CMTM6: variants seen among roughly 807,000 people sequenced by gnomAD.
CMTM6 encodes CKLF-like MARVEL transmembrane domain-containing protein 6.
CMTM6 carries 5 observed loss-of-function variants against 13.6 expected under a neutral mutation model. That is an observed-to-expected ratio of 0.37 (90% CI 0.19 to 0.77). The LOEUF (loss-of-function observed/expected upper bound fraction) is 0.77. CMTM6 is among the 30% of genes least tolerant of loss of function. CMTM6 has a pLI of 0.50. For missense variants in CMTM6, 196 were observed against 218.6 expected (o/e 0.90, Z 0.65); for synonymous variants, 99 against 84.5 (o/e 1.17, Z -0.94).
chr3:32,499,908 A>G (rs1235520593), intron 1 of CMTM6, among the ~76,000 whole-genome samples: 1 of 152,070 alleles, frequency 6.6e-6, no homozygotes, highest in Non-Finnish European at 1.5e-5. Flanking sequence ...TTGAAAAAAA[A>G]AAAAAAACCT....
chr3:32,491,476 A>C (rs1048406778), intron 2 of CMTM6, among the ~76,000 whole-genome samples: 3 of 152,182 alleles, frequency 2.0e-5, no homozygotes, highest in Non-Finnish European at 4.4e-5. Flanking sequence ...ACATTAAACC[A>C]CCAATAACTG....
chr3:32,493,233 G>A (rs1697264058), intron 1 of CMTM6, among the ~76,000 whole-genome samples: 1 of 152,212 alleles, frequency 6.6e-6, no homozygotes, highest in Non-Finnish European at 1.5e-5. Flanking sequence ...CTAATGAGAT[G>A]CCTACTGGCC....
chr3:32,495,477 C>T (rs1697282666), intron 1 of CMTM6, among the ~76,000 whole-genome samples: 1 of 152,116 alleles, frequency 6.6e-6, no homozygotes, highest in East Asian at 1.9e-4. Flanking sequence ...TTTTTCTTGC[C>T]TCTATGTTAA....
chr3:32,502,530 A>C, intron 1 of CMTM6, 78 bp downstream of exon 1: 7 of 1,515,406 alleles, frequency 4.6e-6, no homozygotes, highest in Non-Finnish European at 5.3e-6. Context: ...GCTGAAACGA[A>C]GGAGCTCGGC....
In CMTM6 at chr3:32,502,852, C is replaced by A; in HGVS notation, c.-107G>T. On this transcript the variant is annotated 5_prime_UTR_variant, in exon 1 of 4. Coordinates refer to ENST00000205636, the MANE Select transcript of CMTM6 (RefSeq NM_017801.3). ...GCGGCCGTCACTTCCTGGGCCTTCT[C>A]CCCGGCTTCCGCCTGACTCCGCCCC... The A allele has an allele frequency of 7.7e-7, 1 of 1,298,554 alleles. No homozygotes were observed. The highest frequency in any genetic ancestry group is 1.8e-5 in the South Asian group (1 of 55,402). The allele number at this position is 1,298,554 out of a possible 1,614,324, so 80.4% of individuals were successfully genotyped here. A position where few individuals can be genotyped will look rare whatever the true frequency, so the allele number is the denominator to read the frequency against.
At chr3:32,492,742 A>G (rs1277972990) in intron 1 of CMTM6, among the ~76,000 whole-genome samples, 1 of 152,254 alleles carries the variant, frequency 6.6e-6, no homozygotes, top group East Asian at 1.9e-4. Flanking sequence ...ATGCATACAA[A>G]TAATATGGAA....
chr3:32,497,382 CAAAA>C (rs144445988), intron 1 of CMTM6, among the ~76,000 whole-genome samples: 1 of 53,630 alleles, frequency 1.9e-5, no homozygotes, highest in Non-Finnish European at 3.7e-5. Flanking sequence ...GACTCTGTCT[CAAAA>C]AAAAAAAAAA....
chr3:32,491,771 A>T lies in CMTM6; in HGVS notation c.254T>A (p.Ile85Lys), dbSNP rs749048199. The T allele has an allele frequency of 6.2e-7, 1 of 1,614,078 alleles. No homozygotes were observed. The highest frequency in any genetic ancestry group is 8.5e-7 in the Non-Finnish European group (1 of 1,179,970). ...SCSAFLLSLL[I>K]LIVYCTPFYE... Reference sequence around the variant, plus strand: ...AAATGGAGTGCAATACACAATCAGTATAAGGAGACTCAGAAGAAAGGCACT... The same window carrying T: ...AAATGGAGTGCAATACACAATCAGTTTAAGGAGACTCAGAAGAAAGGCACT... The change falls in exon 2 of 4, where the codon ATA (isoleucine) becomes AAA (lysine). Residue 85 changes from isoleucine to lysine, a missense_variant. Coordinates refer to ENST00000205636, the MANE Select transcript of CMTM6 (RefSeq NM_017801.3).
Position 32,487,972 on chromosome 3 carries a change from G to A in CMTM6, c.380C>T (p.Thr127Ile). 1.2e-6 allele frequency: 2 copies of A among 1,613,732 alleles called. No homozygotes were observed. The highest frequency in any genetic ancestry group is 1.7e-6 in the Non-Finnish European group (2 of 1,179,764). ...FLLASIIFVS[T>I]HDRTSAEIAA... ...AATCTCAGCTGAAGTCCTGTCATGT[G>A]TGGAAACAAAAATGATGGATGCCAA... Residue 127 changes from threonine to isoleucine, a missense_variant, in exon 3 of 4, where the codon ACA becomes ATA. Thr to Ile is a moderately conservative substitution (Grantham distance 89). Coordinates refer to ENST00000205636, the MANE Select transcript of CMTM6 (RefSeq NM_017801.3).
chr3:32,502,815 G>A lies in CMTM6; in HGVS notation c.-70C>T, dbSNP rs897752713. ...GACTTCTCGGACTCCAGAAGTCCCC[G>A]GTAGCCGGGAGGCGGCCGTCACTTC... is the stretch of plus-strand genomic sequence containing the variant. On this transcript the variant is annotated 5_prime_UTR_variant, in exon 1 of 4. Transcript: ENST00000205636. 24 of 1,356,276 alleles carry A rather than the reference G, an allele frequency of 1.8e-5. No individual in the cohort carries two copies. The highest frequency in any genetic ancestry group is 3.7e-5 in the Admixed American group (1 of 27,356). 84.0% of individuals were successfully genotyped at this position (1,356,276 alleles called of 1,614,324 possible).
chr3:32,491,671 A>G (rs1381836973), intron 2 of CMTM6, 39 bp downstream of exon 2: 2 of 1,484,638 alleles, frequency 1.3e-6, no homozygotes, highest in South Asian at 2.7e-5. Context: ...AGATTACAAA[A>G]CAGCTATTAA....
chr3:32,502,072 G>T lies in CMTM6; in HGVS notation c.138+536C>A, dbSNP rs574711241. Among the ~76,000 whole-genome samples, 23 of 152,310 alleles carry T rather than the reference G, an allele frequency of 1.5e-4. No individual in the cohort carries two copies. The South Asian group carries it at 4.3e-3, about 29-fold the overall frequency. ...TCAATTTTGAAATAATTCTTTTCCA[G>T]TCAATATAAAACTTTTAGAAGACAA... is the stretch of plus-strand genomic sequence containing the variant. On this transcript the variant is annotated intron_variant, in intron 1 of 3. Coordinates refer to ENST00000205636, the MANE Select transcript of CMTM6 (RefSeq NM_017801.3).
rs747614297 is a variant in CMTM6 at position 32,502,697 on chromosome 3, G to T, written c.49C>A (p.Pro17Thr). Reference sequence around the variant, plus strand: ...AGGCCGCTCCGGGGGCCTCTGGCGGGGCCCGGGTCCTCCTCCGTAGTGGGG... The same window carrying T: ...AGGCCGCTCCGGGGGCCTCTGGCGGTGCCCGGGTCCTCCTCCGTAGTGGGG... ...YSPTTEEDPG[P>T]ARGPRSGLAA... Residue 17 changes from proline (P) to threonine (T), a missense_variant, in exon 1 of 4, where the codon CCC becomes ACC. By Grantham distance (38) the Pro-to-Thr change is conservative. Around this residue, in one of 2 missense-constraint regions of CMTM6, gnomAD observed 85 missense variants for 58.7 expected, o/e 1.45. Coordinates refer to ENST00000205636, the MANE Select transcript of CMTM6 (RefSeq NM_017801.3). 1.1e-5 allele frequency: 17 copies of T among 1,585,190 alleles called. No individual in the cohort carries two copies. The highest frequency in any genetic ancestry group is 1.7e-4 in the Middle Eastern group (1 of 5,940).
At chr3:32,491,119 T>C (rs1460336144) in intron 2 of CMTM6, among the ~76,000 whole-genome samples, 1 of 152,248 alleles carries the variant, frequency 6.6e-6, no homozygotes, top group Non-Finnish European at 1.5e-5. Context: ...TGGTAGGGCA[T>C]TGGTTCTAAC....
At chr3:32,501,753 C>A (rs911089200) in intron 1 of CMTM6, among the ~76,000 whole-genome samples, 1 of 152,132 alleles carries the variant, frequency 6.6e-6, no homozygotes, top group African/African-American at 2.4e-5. Flanking sequence ...CATAAGCATT[C>A]GGATTTTTCC....
chr3:32,487,768 T>G (rs1024432898), intron 3 of CMTM6, 170 bp downstream of exon 3: 3 of 489,472 alleles, frequency 6.1e-6, no homozygotes, highest in African/African-American at 3.9e-5. Context: ...GCTCTAGGTT[T>G]TAAAGGCTAT....
In CMTM6 at chr3:32,484,101, A is replaced by AG. The variant is rs1388366278; in HGVS notation, c.415-5dup. On this transcript the variant is annotated splice_polypyrimidine_tract_variant and splice_region_variant and intron_variant, in intron 3 of 3. Coordinates refer to ENST00000205636, the MANE Select transcript of CMTM6 (RefSeq NM_017801.3). The stretch of plus-strand genomic sequence containing the variant: ...AACTTGCTATAAATCCAAACACCTG[A>AG]GGAAAAAAAGGAGGAAAGGTTATAT... 1.9e-6 allele frequency: 3 copies of AG among 1,576,338 alleles called. No individual in the cohort carries two copies. The highest frequency in any genetic ancestry group is 2.7e-5 in the African/African-American group (2 of 73,030).
chr3:32,483,215 T>C lies in CMTM6; in HGVS notation c.*745A>G, dbSNP rs3821700. On this transcript the variant is annotated 3_prime_UTR_variant, in exon 4 of 4. Coordinates refer to ENST00000205636, the MANE Select transcript of CMTM6 (RefSeq NM_017801.3). ...TTAGGTGTGGTATCAGTTTCTTCCATTTTTTTATGTGTTACAAAACAATCT... is the reference window on the plus strand; with the variant it reads ...TTAGGTGTGGTATCAGTTTCTTCCACTTTTTTATGTGTTACAAAACAATCT... The C allele has an allele frequency of 0.021, 3,271 of 152,726 alleles. 181 individuals are homozygous for C. The highest frequency in any genetic ancestry group is 0.21 in the East Asian group (1,110 of 5,184). 9.5% of individuals were successfully genotyped at this position (152,726 alleles called of 1,614,324 possible).
Position 32,502,629 on chromosome 3 carries a change from G to A in CMTM6, c.117C>T (p.Arg39=), listed in dbSNP as rs1469457391. The A allele has an allele frequency of 3.1e-6, 5 of 1,597,242 alleles. No individual in the cohort carries two copies. Among genetic ancestry groups the A allele is most frequent in the Admixed American group, 1.7e-5 (1 of 58,050 alleles). Residue 39 remains arginine (R), a synonymous_variant, in exon 1 of 4, where the codon CGC becomes CGT. Coordinates refer to ENST00000205636, the MANE Select transcript of CMTM6 (RefSeq NM_017801.3). ...TCACCAGCTGCAAGCCCTTGAGAACGCGCCGGAGCAATGGGAGCCGGCCCA... is the reference window on the plus strand; with the variant it reads ...TCACCAGCTGCAAGCCCTTGAGAACACGCCGGAGCAATGGGAGCCGGCCCA... ...FFMGRLPLLR[R]VLKGLQLLLS...
Sources: gnomAD v4.1 joint callset for allele counts (sites outside exome capture counted in the v4.1 genomes callset) on GRCh38, gnomAD v4.1.1 for gene constraint, gnomAD v4.1.1 regional missense constraint, MANE v1.5 for transcripts, NCBI Gene and HGNC (gene_info 2026-07-23, HGNC 2026-07-21) for gene names.